The following LSAMP variants were observed in gnomAD, a reference collection of about 807,000 sequenced individuals.
LSAMP encodes the protein limbic system associated membrane protein, also known as limbic system-associated membrane protein.
LSAMP carries 7 observed loss-of-function variants against 38.6 expected under a neutral mutation model. That is an observed-to-expected ratio of 0.18 (90% CI 0.10 to 0.34). The LOEUF is 0.34. LSAMP is among the 10% of genes least tolerant of loss of function. The probability of loss-of-function intolerance (pLI) is 1.00; values close to 1 mark genes in which losing one functional copy is unlikely to be tolerated. For synonymous variants in LSAMP, 154 were observed against 166.8 expected, an observed-to-expected ratio of 0.92 and a Z score of 0.59; for missense variants, 313 against 420.0, an observed-to-expected ratio of 0.75 and a Z score of 2.23.
intron 1 of LSAMP, among the ~76,000 whole-genome samples, chr3:116,172,378 G>A (rs965993712): frequency 2.0e-5 from 3 of 148,666 alleles, no homozygotes; most frequent in Non-Finnish European, 4.5e-5. Flanking sequence ...CTTGAAAGCT[G>A]TTAAGTTCTT....
intron 1 of LSAMP, among the ~76,000 whole-genome samples, chr3:116,181,316 T>C (rs1423631370): frequency 6.6e-6 from 1 of 152,094 alleles, no homozygotes; most frequent in South Asian, 2.1e-4. Context: ...TCCTTCCTTC[T>C]CTAGAGTTAC....
chr3:116,037,731 C>T (rs1485911960), intron 2 of LSAMP, among the ~76,000 whole-genome samples: 1 of 151,974 alleles, frequency 6.6e-6, no homozygotes, highest in Non-Finnish European at 1.5e-5. Context: ...CAGAATATGT[C>T]CCATGACTAT....
At chr3:116,324,945 A>G (rs1249220097) in intron 1 of LSAMP, among the ~76,000 whole-genome samples, 2 of 152,004 alleles carry the variant, frequency 1.3e-5, no homozygotes, top group African/African-American at 4.8e-5. Context: ...CGTCCTTCAT[A>G]GTCTTTCACA....
chr3:116,439,988 T>C (rs547120795), intron 1 of LSAMP, among the ~76,000 whole-genome samples: 27 of 152,346 alleles, frequency 1.8e-4, no homozygotes, highest in African/African-American at 6.3e-4. Flanking sequence ...CCCAAAGTGC[T>C]GGGATTACAG....
At chr3:116,367,233 A>T (rs2048366439) in intron 1 of LSAMP, among the ~76,000 whole-genome samples, 1 of 152,178 alleles carries the variant, frequency 6.6e-6, no homozygotes, top group Non-Finnish European at 1.5e-5. Context: ...AGCATCTTCA[A>T]ATTAGTATCA....
intron 1 of LSAMP, among the ~76,000 whole-genome samples, chr3:116,088,985 T>C (rs1261941426): frequency 6.6e-6 from 1 of 152,178 alleles, no homozygotes; most frequent in Non-Finnish European, 1.5e-5. Flanking sequence ...CCAAGTCCTA[T>C]AGCACCCACA....
chr3:115,949,420 A>G (rs1487218400), intron 3 of LSAMP, among the ~76,000 whole-genome samples: 1 of 151,976 alleles, frequency 6.6e-6, no homozygotes, highest in African/African-American at 2.4e-5. Flanking sequence ...ATTTAGATTT[A>G]TACAAAAGGT....
chr3:115,928,887 A>G (rs1475670047), intron 3 of LSAMP, among the ~76,000 whole-genome samples: 2 of 152,030 alleles, frequency 1.3e-5, no homozygotes, highest in Non-Finnish European at 2.9e-5. Context: ...GGCGTAGGGA[A>G]GAAGACCAGT....
At chr3:116,415,142 G>A (rs868043796) in intron 1 of LSAMP, among the ~76,000 whole-genome samples, 3 of 151,972 alleles carry the variant, frequency 2.0e-5, no homozygotes, top group South Asian at 2.1e-4. Flanking sequence ...TGAGATCAGA[G>A]CATTCTCCCC....
intron 1 of LSAMP, among the ~76,000 whole-genome samples, chr3:116,232,352 C>T (rs951237922): frequency 6.6e-6 from 1 of 152,160 alleles, no homozygotes; most frequent in Non-Finnish European, 1.5e-5. Context: ...TTCTCAATCC[C>T]ACGGATTATA....
chr3:115,833,689 G>T (rs1934692084), intron 6 of LSAMP, among the ~76,000 whole-genome samples: 1 of 152,072 alleles, frequency 6.6e-6, no homozygotes, highest in Admixed American at 6.6e-5. Context: ...TGCCTTTATG[G>T]TGTGTATGAT....
chr3:115,876,526 C>T (rs1262021302), intron 3 of LSAMP, among the ~76,000 whole-genome samples: 2 of 151,944 alleles, frequency 1.3e-5, no homozygotes, highest in African/African-American at 4.8e-5. Context: ...CTATCTTACT[C>T]TTTTACTCCA....
intron 1 of LSAMP, among the ~76,000 whole-genome samples, chr3:116,272,754 T>C (rs1181453201): frequency 6.6e-6 from 1 of 152,172 alleles, no homozygotes; most frequent in Non-Finnish European, 1.5e-5. Flanking sequence ...CTCCTGTATG[T>C]GTAAGAATCT....
At chr3:116,333,621 G>T (rs928730012) in intron 1 of LSAMP, among the ~76,000 whole-genome samples, 1 of 148,458 alleles carries the variant, frequency 6.7e-6, no homozygotes, top group African/African-American at 2.5e-5. Context: ...ACTAAAACTA[G>T]AAAATTCACA....
intron 1 of LSAMP, among the ~76,000 whole-genome samples, chr3:116,432,010 A>G (rs1277254249): frequency 2.0e-5 from 3 of 152,090 alleles, no homozygotes; most frequent in Admixed American, 2.0e-4. Context: ...CCAAGATCTA[A>G]TAGAAACAAA....
intron 1 of LSAMP, among the ~76,000 whole-genome samples, chr3:116,417,724 A>G (rs2049070113): frequency 6.6e-6 from 1 of 152,178 alleles, no homozygotes; most frequent in South Asian, 2.1e-4. Context: ...TTCTTTTAAT[A>G]ATAGGAGTCT....
rs1405481616 is a variant in LSAMP, at chr3:115,804,436, A to T, written c.*5881T>A. The T allele has an allele frequency of 6.6e-6, 1 of 152,214 alleles. No homozygotes were observed. The highest frequency in any genetic ancestry group is 1.5e-5 in the Non-Finnish European group (1 of 68,040). The allele number at this position is 152,214 out of a possible 1,614,324, so 9.4% of individuals were successfully genotyped here. The stretch of plus-strand genomic sequence containing the variant: ...TATTTGTGGCTGAACTTGGGGTTAG[A>T]ACCCAATTCTCCTGACTCCCAATTC... On this transcript the variant is annotated 3_prime_UTR_variant, in exon 7 of 7. Transcript: ENST00000490035.
intron 3 of LSAMP, among the ~76,000 whole-genome samples, chr3:115,924,789 T>G (rs928155117): frequency 2.6e-5 from 4 of 152,188 alleles, no homozygotes; most frequent in Non-Finnish European, 5.9e-5. Context: ...GAAGCCCATT[T>G]TATTTGAGTC....
At chr3:116,425,417 C>T (rs1206075262) in intron 1 of LSAMP, among the ~76,000 whole-genome samples, 4 of 152,160 alleles carry the variant, frequency 2.6e-5, no homozygotes, top group Non-Finnish European at 4.4e-5. Flanking sequence ...GCCCAGGCAA[C>T]ACGTGGAACA....
Sources: allele counts gnomAD v4.1 joint callset (sites outside exome capture counted in the v4.1 genomes callset), GRCh38; gene constraint gnomAD v4.1.1; transcripts MANE v1.5; gene names NCBI Gene and HGNC (gene_info 2026-07-23, HGNC 2026-07-21).